The following OSCAR variants were observed in gnomAD, a reference collection of about 807,000 sequenced individuals.
OSCAR encodes the protein osteoclast associated Ig-like receptor, also known as osteoclast-associated immunoglobulin-like receptor.
A neutral mutation model predicts 27.3 loss-of-function variants in OSCAR; 25 were observed. The ratio of observed to expected loss-of-function variants is 0.92; its 90% CI spans 0.67 to 1.28. The LOEUF (loss-of-function observed/expected upper bound fraction) is 1.28. Ranked by LOEUF, OSCAR falls within the 50% of genes most tolerant of loss-of-function variation. The probability of loss-of-function intolerance (pLI) is 0.00; values close to 1 mark genes in which losing one functional copy is unlikely to be tolerated. For missense variants in OSCAR, 354 were observed against 355.1 expected (o/e 1.00, Z 0.03); for synonymous variants, 158 against 165.7 (o/e 0.95, Z 0.36).
intron 1 of OSCAR, 119 bp from the exon 2 acceptor site, chr19:54,099,899 G>T (rs1413017707): frequency 1.7e-6 from 2 of 1,199,420 alleles, no homozygotes; most frequent in African/African-American, 3.1e-5. Flanking sequence ...TGCAACCTCT[G>T]CCTCCCAGGT....
At chr19:54,099,448 C>T (rs1050428343) in intron 2 of OSCAR, 11 of 867,578 alleles carry the variant, frequency 1.3e-5, no homozygotes, top group Admixed American at 3.6e-5. Flanking sequence ...TCACAGCGGC[C>T]CATTTTACAG....
intron 4 of OSCAR, 152 bp downstream of exon 4, chr19:54,095,720 A>C (rs587678859): frequency 7.8e-7 from 1 of 1,275,556 alleles, no homozygotes; most frequent in African/African-American, 1.5e-5. Context: ...GGTCCCAGGA[A>C]TCCTGGGTCT....
chr19:54,097,030 C>T lies in OSCAR; in HGVS notation c.205G>A (p.Glu69Lys). Residue 69 changes from glutamate to lysine, a missense_variant, in exon 3 of 5, where the codon GAG (glutamate) becomes AAG (lysine). Transcript: ENST00000358375. ...AWRFGLFKPGEIAPLLFRDVS... is the reference protein window; with the variant it reads ...AWRFGLFKPGKIAPLLFRDVS... ...TCCCGGAAGAGAAGGGGAGCGATCTCTCCAGGCTTGAAAAGTCCAAATCTC... is the reference window on the plus strand; with the variant it reads ...TCCCGGAAGAGAAGGGGAGCGATCTTTCCAGGCTTGAAAAGTCCAAATCTC... 1 of 1,614,210 alleles carries T rather than the reference C, an allele frequency of 6.2e-7. No individual in the cohort carries two copies. Among genetic ancestry groups the T allele is most frequent in the Non-Finnish European group, 8.5e-7 (1 of 1,180,026 alleles).
intron 4 of OSCAR, 60 bp from the exon 5 acceptor site, chr19:54,095,417 G>T: frequency 8.6e-6 from 13 of 1,518,414 alleles, no homozygotes; most frequent in Non-Finnish European, 1.1e-5. Flanking sequence ...TCTGGGCCCT[G>T]AACTCCAGGT....
chr19:54,095,538 C>G (rs1418972431), intron 4 of OSCAR, 181 bp from the exon 5 acceptor site: 2 of 1,357,650 alleles, frequency 1.5e-6, no homozygotes, highest in Non-Finnish European at 1.9e-6. Flanking sequence ...GGGGCCTGGA[C>G]TGCTGGATCA....
chr19:54,095,191 G>T lies in OSCAR; in HGVS notation c.*30C>A. 1 of 1,602,982 alleles carries T rather than the reference G, an allele frequency of 6.2e-7. No individual in the cohort carries two copies. On this transcript the variant is annotated 3_prime_UTR_variant, in exon 5 of 5. Coordinates refer to ENST00000358375, the MANE Select transcript of OSCAR (RefSeq NM_133169.6). ...TCCCAGCTTCTCCGCCACTCAGGTT[G>T]GAAGTCTCGGGCTGCAGTGCTCCTG... is the stretch of plus-strand genomic sequence containing the variant.
chr19:54,096,913 C>T lies in OSCAR; in HGVS notation c.322G>A (p.Gly108Arg). Reference protein sequence around the residue: ...YRCCYRRPDWGPGVWSQPSDV... With the variant: ...YRCCYRRPDWRPGVWSQPSDV... ...CTGGGCTGGGACCAGACACCCGGCC[C>T]CCAGTCTGGCCTTCGGTAGCAGCAG... The change falls in exon 3 of 5, where the codon GGG (glycine) becomes AGG (arginine). Residue 108 changes from glycine (G) to arginine (R), a missense_variant. By Grantham distance (125) the Gly-to-Arg change is moderately radical. Transcript: ENST00000358375. The T allele has an allele frequency of 6.2e-7, 1 of 1,614,172 alleles. No homozygotes were observed. The highest frequency in any genetic ancestry group is 8.5e-7 in the Non-Finnish European group (1 of 1,180,024).
In OSCAR at chr19:54,096,886, C is replaced by G; in HGVS notation, c.349G>C (p.Asp117His). The change falls in exon 3 of 5, where the codon GAT becomes CAT. Residue 117 changes from aspartate (D) to histidine (H), a missense_variant. Physicochemically the swap from Asp to His is moderately conservative, Grantham distance 81 (BLOSUM62 -1). Transcript: ENST00000358375. The part of the protein sequence containing the change: ...WGPGVWSQPS[D>H]VLELLVTEEL... ...CCTGTCACCAGCAGCTCCAGGACAT[C>G]GCTGGGCTGGGACCAGACACCCGGC... 1 of 1,613,906 alleles carries G rather than the reference C, an allele frequency of 6.2e-7. No individual in the cohort carries two copies. The highest frequency in any genetic ancestry group is 8.5e-7 in the Non-Finnish European group (1 of 1,179,898).
chr19:54,099,503 T>C, intron 2 of OSCAR: 11 of 1,263,832 alleles, frequency 8.7e-6, no homozygotes, highest in Non-Finnish European at 1.3e-5. Context: ...TTCTAGGTCA[T>C]ATGGTCACAT....
At chr19:54,097,745 C>T (rs2072829201) in intron 2 of OSCAR, among the ~76,000 whole-genome samples, 1 of 140,904 alleles carries the variant, frequency 7.1e-6, no homozygotes. Flanking sequence ...AGGCACATGC[C>T]ACTACACCAG....
In OSCAR at chr19:54,097,033, C is replaced by T. The variant is rs1320075686; in HGVS notation, c.202G>A (p.Gly68Arg). ...PAWRFGLFKP[G>R]EIAPLLFRDV... The stretch of plus-strand genomic sequence containing the variant: ...CGGAAGAGAAGGGGAGCGATCTCTC[C>T]AGGCTTGAAAAGTCCAAATCTCCAA... The change falls in exon 3 of 5, where the codon GGA becomes AGA. Residue 68 changes from glycine (G) to arginine (R), a missense_variant. Coordinates refer to ENST00000358375, the MANE Select transcript of OSCAR (RefSeq NM_133169.6). The T allele has an allele frequency of 1.2e-6, 2 of 1,614,188 alleles. No individual in the cohort carries two copies. The highest frequency in any genetic ancestry group is 1.7e-6 in the Non-Finnish European group (2 of 1,180,028).
intron 2 of OSCAR, among the ~76,000 whole-genome samples, chr19:54,097,842 C>G (rs982545376): frequency 2.0e-5 from 3 of 151,848 alleles, no homozygotes; most frequent in African/African-American, 7.3e-5. Context: ...CTCAAGCAAT[C>G]CTCCCACCTC....
chr19:54,100,530 C>T (rs1271303472), intron 1 of OSCAR, among the ~76,000 whole-genome samples: 2 of 152,160 alleles, frequency 1.3e-5, no homozygotes, highest in African/African-American at 4.8e-5. Context: ...TGACCTCTTC[C>T]TGCCTCAAGA....
At chr19:54,099,823 T>C (rs2072952903) in intron 1 of OSCAR, 43 bp from the exon 2 acceptor site, 2 of 1,590,712 alleles carry the variant, frequency 1.3e-6, no homozygotes, top group African/African-American at 1.4e-5. Context: ...CTTTTTTTTT[T>C]TTTGTCTGAG....
chr19:54,097,177 G>C lies in OSCAR; in HGVS notation c.71-13C>G. The C allele has an allele frequency of 6.3e-7, 1 of 1,598,190 alleles. No homozygotes were observed. Reference sequence around the variant, plus strand: ...GAAGCTGGGGGGACTGAATAAACGGGGCTGCCTGGGTCCTCGGGCCTCCTG... The same window carrying C: ...GAAGCTGGGGGGACTGAATAAACGGCGCTGCCTGGGTCCTCGGGCCTCCTG... On this transcript the variant is annotated splice_polypyrimidine_tract_variant and intron_variant, in intron 2 of 4. Coordinates refer to ENST00000358375, the MANE Select transcript of OSCAR (RefSeq NM_133169.6).
rs1600237482 is a variant in OSCAR, at chr19:54,094,855, A to G, written c.*366T>C. Reference sequence around the variant, plus strand: ...TACAGAGTGCTGATTGGTCCATTTTACAATCCTCTTGTAAGACAGAAAAGT... The same window carrying G: ...TACAGAGTGCTGATTGGTCCATTTTGCAATCCTCTTGTAAGACAGAAAAGT... On this transcript the variant is annotated 3_prime_UTR_variant, in exon 5 of 5. Transcript: ENST00000358375. The G allele has an allele frequency of 5.2e-5, 11 of 213,196 alleles. No homozygotes were observed. In the East Asian group the frequency reaches 1.2e-3, roughly 23 times the overall value. The allele number at this position is 213,196 out of a possible 1,614,324, so 13.2% of individuals were successfully genotyped here. A position where few individuals can be genotyped will look rare whatever the true frequency, so the allele number is the denominator to read the frequency against.
intron 2 of OSCAR, 67 bp downstream of exon 2, chr19:54,099,681 A>G (rs2072942874): frequency 1.9e-6 from 3 of 1,613,954 alleles, no homozygotes; most frequent in South Asian, 1.1e-5. Context: ...GGGCACCAAA[A>G]TAAAATCTGA....
chr19:54,096,337 C>CCTCTCTCTGCCTTCCT (rs2072702155), intron 3 of OSCAR, among the ~76,000 whole-genome samples, 184 bp from the exon 4 acceptor site: 4 of 107,998 alleles, frequency 3.7e-5, no homozygotes, highest in Admixed American at 1.1e-4. Context: ...TCTCTGCCTC[C>CCTCTCTCTGCCTTCCT]CTCTCTCTGC....
Position 54,099,731 on chromosome 19 carries a change from A to G in OSCAR, c.70+17T>C. The G allele has an allele frequency of 1.9e-6, 3 of 1,613,792 alleles. No individual in the cohort carries two copies. Among genetic ancestry groups the G allele is most frequent in the Non-Finnish European group, 2.5e-6 (3 of 1,179,836 alleles). ...GGTGTCAGCAACAAAAGGAGAGTGGATGGGGTGGCTACTCACCAGACGGAG... is the reference window on the plus strand; with the variant it reads ...GGTGTCAGCAACAAAAGGAGAGTGGGTGGGGTGGCTACTCACCAGACGGAG... On this transcript the variant is annotated intron_variant, in intron 2 of 4. Transcript: ENST00000358375.
Sources: gnomAD v4.1 joint callset for allele counts (sites outside exome capture counted in the v4.1 genomes callset) on GRCh38, gnomAD v4.1.1 for gene constraint, MANE v1.5 for transcripts, NCBI Gene and HGNC (gene_info 2026-07-23, HGNC 2026-07-21) for gene names.